Variants in SVOPL observed in about 807,000 individuals in gnomAD.
The protein encoded by SVOPL is putative transporter SVOPL.
Under a neutral mutation model 61.0 loss-of-function variants are expected in SVOPL, and 60 were observed. That is an observed-to-expected ratio of 0.98 (90% CI 0.80 to 1.22). The LOEUF (loss-of-function observed/expected upper bound fraction) is 1.22. SVOPL is among the 50% of genes most tolerant of loss of function. SVOPL has a pLI of 0.00. For missense variants in SVOPL, 662 were observed against 643.9 expected (o/e 1.03, Z -0.30); for synonymous variants, 279 against 250.0 (o/e 1.12, Z -1.09).
At chr7:138,601,829 G>A (rs939011931) in intron 14 of SVOPL, among the ~76,000 whole-genome samples, 2 of 151,958 alleles carry the variant, frequency 1.3e-5, no homozygotes, top group Non-Finnish European at 1.5e-5. Flanking sequence ...TACTTCCCAC[G>A]TGTCTCTGCC....
At chr7:138,645,297 C>G (rs1033143992) in intron 8 of SVOPL, among the ~76,000 whole-genome samples, 3 of 152,120 alleles carry the variant, frequency 2.0e-5, no homozygotes, top group Non-Finnish European at 4.4e-5. Context: ...GGCTCTCAAC[C>G]CACTGAATAC....
intron 1 of SVOPL, among the ~76,000 whole-genome samples, chr7:138,690,440 A>C (rs1239752499): frequency 2.0e-5 from 3 of 152,226 alleles, no homozygotes; most frequent in Admixed American, 2.0e-4. Context: ...TGGTCTATCC[A>C]TACAATGGAA....
chr7:138,634,912 C>T (rs974243978), intron 9 of SVOPL, among the ~76,000 whole-genome samples: 2 of 152,108 alleles, frequency 1.3e-5, no homozygotes, highest in African/African-American at 4.8e-5. Flanking sequence ...TGCAGTGAGC[C>T]AAGATCACAC....
intron 15 of SVOPL, 52 bp from the exon 16 acceptor site, chr7:138,594,673 C>A: frequency 2.2e-6 from 3 of 1,348,466 alleles, no homozygotes; most frequent in East Asian, 2.4e-5. Flanking sequence ...AAAGTCTTGT[C>A]CATTCATACT....
chr7:138,677,766 A>G (rs371412705), intron 3 of SVOPL, among the ~76,000 whole-genome samples: 20 of 89,280 alleles, frequency 2.2e-4, no homozygotes, highest in Non-Finnish European at 4.7e-4. Flanking sequence ...TTTTCATTTT[A>G]TTATTTTTTT....
intron 4 of SVOPL, 81 bp from the exon 5 acceptor site, chr7:138,663,226 G>A (rs1158880865): frequency 1.9e-6 from 3 of 1,559,228 alleles, no homozygotes; most frequent in East Asian, 2.4e-5. Context: ...TTCACTAGAA[G>A]TAGGCTGGAA....
intron 4 of SVOPL, among the ~76,000 whole-genome samples, chr7:138,668,629 G>A (rs1802335108): frequency 6.6e-6 from 1 of 152,192 alleles, no homozygotes; most frequent in African/African-American, 2.4e-5. Flanking sequence ...TGCATTATCT[G>A]AGAGAAGAAC....
intron 9 of SVOPL, among the ~76,000 whole-genome samples, chr7:138,635,119 A>G (rs545492705): frequency 7.6e-4 from 115 of 152,192 alleles, no homozygotes; most frequent in African/African-American, 2.6e-3. Context: ...CTAAAAACAC[A>G]AAATTAGCTG....
At chr7:138,654,644 C>A (rs540591487) in intron 7 of SVOPL, among the ~76,000 whole-genome samples, 2 of 151,520 alleles carry the variant, frequency 1.3e-5, no homozygotes, top group African/African-American at 2.4e-5. Context: ...GGACTACAGG[C>A]GGTTTACTAT....
chr7:138,675,499 A>T (rs1802536625), intron 3 of SVOPL, among the ~76,000 whole-genome samples: 1 of 152,010 alleles, frequency 6.6e-6, no homozygotes, highest in Admixed American at 6.6e-5. Context: ...GATTGCAGGC[A>T]TGTGCCACCA....
chr7:138,675,604 C>T (rs1325033346), intron 3 of SVOPL, among the ~76,000 whole-genome samples: 1 of 152,084 alleles, frequency 6.6e-6, no homozygotes, highest in African/African-American at 2.4e-5. Flanking sequence ...GATCTACCCG[C>T]CTTGGCCTCC....
At chr7:138,617,972 G>T (rs2116855340) in intron 14 of SVOPL, among the ~76,000 whole-genome samples, 1 of 152,244 alleles carries the variant, frequency 6.6e-6, no homozygotes, top group African/African-American at 2.4e-5. Context: ...TACCTTTCAG[G>T]AAAGTGACTA....
intron 13 of SVOPL, among the ~76,000 whole-genome samples, chr7:138,623,396 T>C (rs966136600): frequency 6.6e-6 from 1 of 152,038 alleles, no homozygotes; most frequent in East Asian, 1.9e-4. Context: ...GTCAGAAGAT[T>C]GAGACCATCC....
chr7:138,687,861 G>A (rs958276037), intron 1 of SVOPL, among the ~76,000 whole-genome samples: 4 of 151,846 alleles, frequency 2.6e-5, no homozygotes, highest in South Asian at 2.1e-4. Flanking sequence ...GAGTGCAGTG[G>A]CATGATCTCA....
Position 138,664,233 on chromosome 7 carries a change from G to A in SVOPL, c.274-1088C>T, listed in dbSNP as rs1802147420. 3.2e-6 allele frequency: 3 copies of A among 928,522 alleles called. No individual in the cohort carries two copies. The African/African-American group carries it at 7.1e-5, about 22-fold the overall frequency. The allele number at this position is 928,522 out of a possible 1,614,324, so 57.5% of individuals were successfully genotyped here. On this transcript the variant is annotated intron_variant, in intron 4 of 15. Transcript: ENST00000674285. ...ACCTGGAAGACGTCCTGCCTCCCTC[G>A]CGCGCCCCACCTAGCGCGCGCCTAA...
intron 3 of SVOPL, among the ~76,000 whole-genome samples, chr7:138,674,374 G>A (rs566860877): frequency 1.2e-4 from 18 of 152,082 alleles, no homozygotes; most frequent in African/African-American, 4.1e-4. Flanking sequence ...AGGGGCCACG[G>A]CCCATCACTG....
intron 3 of SVOPL, among the ~76,000 whole-genome samples, chr7:138,672,656 T>TAAAAAA (rs35593361): frequency 8.4e-6 from 1 of 118,858 alleles, no homozygotes; most frequent in African/African-American, 3.3e-5. Context: ...TTTTTGTGTT[T>TAAAAAA]AAAAAAAAAA....
At chr7:138,654,130 CAA>C (rs34730936) in intron 7 of SVOPL, among the ~76,000 whole-genome samples, 3,869 of 99,084 alleles carry the variant, frequency 0.039, 169 homozygotes, top group East Asian at 0.27. Flanking sequence ...AAGACTCCCT[CAA>C]AAAAAAAAAA....
chr7:138,607,319 T>C (rs574706101), intron 14 of SVOPL, among the ~76,000 whole-genome samples: 1 of 152,258 alleles, frequency 6.6e-6, no homozygotes, highest in South Asian at 2.1e-4. Flanking sequence ...ACCATCTCAA[T>C]GGAGAGTGAA....
Sources: allele counts gnomAD v4.1 joint callset (sites outside exome capture counted in the v4.1 genomes callset), GRCh38; gene constraint gnomAD v4.1.1; transcripts MANE v1.5; gene names NCBI Gene and HGNC (gene_info 2026-07-23, HGNC 2026-07-21).